Variants in PSEN2 observed in about 807,000 individuals in gnomAD.
PSEN2 encodes the protein presenilin 2.
In PSEN2, 32 loss-of-function variants were observed where a neutral mutation model predicts 49.1. The observed-to-expected ratio is 0.65, with a 90% CI of 0.49 to 0.88. The LOEUF (loss-of-function observed/expected upper bound fraction) is 0.88, where lower values mean the gene tolerates loss of function less well. PSEN2 is among the 40% of genes least tolerant of loss of function. PSEN2 has a pLI of 0.00. For synonymous variants in PSEN2, 255 were observed against 244.0 expected, an observed-to-expected ratio of 1.05 and a Z score of -0.42; for missense variants, 522 against 586.9, an observed-to-expected ratio of 0.89 and a Z score of 1.14.
At chr1:226,872,677 T>C (rs971077725) in intron 2 of PSEN2, among the ~76,000 whole-genome samples, 1 of 152,214 alleles carries the variant, frequency 6.6e-6, no homozygotes, top group African/African-American at 2.4e-5. Flanking sequence ...TCTGGCGGGT[T>C]TTCAGCTGTT....
chr1:226,895,757 C>G lies in PSEN2; in HGVS notation c.*178C>G. On this transcript the variant is annotated 3_prime_UTR_variant, in exon 13 of 13. Transcript: ENST00000366783. ...TCTTTGGTGCCAGCTGTTTCATCAC[C>G]AGACTTTGGCTCCCGCTTTGGGGAG... 1.3e-6 allele frequency: 1 copy of G among 750,054 alleles called. No individual in the cohort carries two copies. The highest frequency in any genetic ancestry group is 1.9e-5 in the South Asian group (1 of 53,984). The allele number at this position is 750,054 out of a possible 1,614,324, so 46.5% of individuals were successfully genotyped here.
intron 2 of PSEN2, among the ~76,000 whole-genome samples, chr1:226,874,557 A>T (rs575526047): frequency 6.6e-6 from 1 of 152,222 alleles, no homozygotes; most frequent in Admixed American, 6.5e-5. Context: ...CTTTGAAGCC[A>T]GTTCATGTGT....
At chr1:226,901,572 T>C (rs1662322517), downstream of PSEN2, among the ~76,000 whole-genome samples, 1 of 151,552 alleles carries the variant, frequency 6.6e-6, no homozygotes, top group African/African-American at 2.4e-5. Context: ...AAATAAAAAA[T>C]AGTCTAATTT....
intron 2 of PSEN2, among the ~76,000 whole-genome samples, chr1:226,872,468 T>C (rs1442542139): frequency 6.6e-6 from 1 of 152,214 alleles, no homozygotes; most frequent in Non-Finnish European, 1.5e-5. Flanking sequence ...GATTTGAACA[T>C]AGCTGGCTAC....
intron 12 of PSEN2, among the ~76,000 whole-genome samples, chr1:226,902,123 T>C (rs1662337609): frequency 6.6e-6 from 1 of 152,072 alleles, no homozygotes; most frequent in African/African-American, 2.4e-5. Flanking sequence ...GTTGGGGGGA[T>C]GATTTGGAGC....
intron 4 of PSEN2, among the ~76,000 whole-genome samples, 186 bp downstream of exon 4, chr1:226,882,234 A>G (rs1211541457): frequency 6.6e-6 from 1 of 152,240 alleles, no homozygotes; most frequent in Non-Finnish European, 1.5e-5. Flanking sequence ...AGGACTGCGC[A>G]TTCACAGCCA....
downstream of PSEN2, among the ~76,000 whole-genome samples, chr1:226,901,553 C>G (rs942287705): frequency 4.6e-5 from 7 of 151,976 alleles, no homozygotes; most frequent in African/African-American, 1.7e-4. Flanking sequence ...AAGACCCCAT[C>G]TCTGCCAAAA....
intron 12 of PSEN2, among the ~76,000 whole-genome samples, chr1:226,894,689 CAG>C (rs1662006114): frequency 6.6e-6 from 1 of 152,224 alleles, no homozygotes; most frequent in Non-Finnish European, 1.5e-5. Flanking sequence ...GACTTCATCT[CAG>C]AGATTTCGCT....
Position 226,881,903 on chromosome 1 carries a change from G to A in PSEN2, c.-5G>A, listed in dbSNP as rs1189645141. ...CTTTTTCCAGGTGCTTCCAGAGGCA[G>A]GGCTATGCTCACATTCATGGCCTCT... On this transcript the variant is annotated 5_prime_UTR_variant, in exon 4 of 13. Transcript: ENST00000366783. 1 of 1,614,084 alleles carries A rather than the reference G, an allele frequency of 6.2e-7. No homozygotes were observed. Among genetic ancestry groups the A allele is most frequent in the Non-Finnish European group, 8.5e-7 (1 of 1,180,042 alleles).
chr1:226,882,306 C>T (rs1661053344), intron 4 of PSEN2, among the ~76,000 whole-genome samples: 1 of 152,214 alleles, frequency 6.6e-6, no homozygotes, highest in African/African-American at 2.4e-5. Flanking sequence ...GTTTACCTCT[C>T]TCATGCAGGT....
At chr1:226,881,000 G>A (rs528220024) in intron 3 of PSEN2, among the ~76,000 whole-genome samples, 4 of 152,188 alleles carry the variant, frequency 2.6e-5, no homozygotes, top group South Asian at 2.1e-4. Flanking sequence ...TCTCTTCTCC[G>A]GTCTTCCCTG....
chr1:226,902,886 C>T (rs1368227747), intron 12 of PSEN2, among the ~76,000 whole-genome samples: 1 of 152,204 alleles, frequency 6.6e-6, no homozygotes, highest in African/African-American at 2.4e-5. Context: ...CCTCCTCTGC[C>T]TACCCCACCC....
chr1:226,883,565 C>G, intron 4 of PSEN2, 140 bp from the exon 5 acceptor site: 1 of 788,078 alleles, frequency 1.3e-6, no homozygotes, highest in Non-Finnish European at 2.2e-6. Context: ...TTTTCATATG[C>G]CCTAGTAGCT....
At chr1:226,903,196 T>C (rs1662370259) in intron 12 of PSEN2, among the ~76,000 whole-genome samples, 1 of 152,192 alleles carries the variant, frequency 6.6e-6, no homozygotes, top group Non-Finnish European at 1.5e-5. Flanking sequence ...TCCAAGCCTT[T>C]CATGACACCC....
In PSEN2 at chr1:226,889,808, C is replaced by T. The variant is rs543028016; in HGVS notation, c.788-227C>T. ...GTGGGACTCCCCAGCCTGGCCACCG[C>T]GTCTCGGGTGCACAGCTCCTCCATG... is the stretch of plus-strand genomic sequence containing the variant. On this transcript the variant is annotated intron_variant, in intron 8 of 12. Coordinates refer to ENST00000366783, the MANE Select transcript of PSEN2 (RefSeq NM_000447.3). 1.9e-3 allele frequency among the ~76,000 whole-genome samples: 282 copies of T among 152,350 alleles called. 1 individual carries two copies. Among genetic ancestry groups the T allele is most frequent in the African/African-American group, 6.4e-3 (266 of 41,578 alleles).
chr1:226,878,399 CGTG>C, intron 3 of PSEN2, among the ~76,000 whole-genome samples: 1 of 152,090 alleles, frequency 6.6e-6, no homozygotes, highest in East Asian at 1.9e-4. Flanking sequence ...TGAATGGAGA[CGTG>C]GGAATTGTAA....
chr1:226,892,098 A>T (rs1033811551), intron 11 of PSEN2, among the ~76,000 whole-genome samples: 3 of 151,962 alleles, frequency 2.0e-5, no homozygotes, highest in African/African-American at 7.3e-5. Flanking sequence ...CCCTGGTGGG[A>T]CCCACAGGCT....
chr1:226,872,075 A>C (rs1660333758), intron 2 of PSEN2, among the ~76,000 whole-genome samples: 1 of 152,088 alleles, frequency 6.6e-6, no homozygotes, highest in African/African-American at 2.4e-5. Flanking sequence ...ACATGTGGGG[A>C]GTGAGTGGCT....
chr1:226,872,356 G>A (rs1039011540), intron 2 of PSEN2, among the ~76,000 whole-genome samples: 7 of 152,200 alleles, frequency 4.6e-5, no homozygotes, highest in African/African-American at 1.4e-4. Context: ...GAATTTCAAT[G>A]ACACTGAAAT....
Sources: allele counts gnomAD v4.1 joint callset (sites outside exome capture counted in the v4.1 genomes callset), GRCh38; gene constraint gnomAD v4.1.1; transcripts MANE v1.5; gene names NCBI Gene and HGNC (gene_info 2026-07-23, HGNC 2026-07-21).